The following SGCG variants were observed in gnomAD, a reference collection of about 807,000 sequenced individuals.
SGCG encodes sarcoglycan gamma.
In SGCG, 26 loss-of-function variants were observed where a neutral mutation model predicts 29.3. The ratio of observed to expected loss-of-function variants is 0.89; its 90% CI spans 0.65 to 1.23. The LOEUF (loss-of-function observed/expected upper bound fraction) is 1.23, where lower values mean the gene tolerates loss of function less well. Ranked by LOEUF, SGCG falls within the 50% of genes most tolerant of loss-of-function variation. The pLI is 0.00. For synonymous variants in SGCG, 145 were observed against 129.7 expected (o/e 1.12, Z -0.80); for missense variants, 353 against 356.0 (o/e 0.99, Z 0.07).
At chr13:23,219,322 C>T (rs963345742) in intron 2 of SGCG, among the ~76,000 whole-genome samples, 14 of 152,160 alleles carry the variant, frequency 9.2e-5, no homozygotes, top group African/African-American at 3.4e-4. Flanking sequence ...GCTGGGATTA[C>T]AGGCGTGAGC....
chr13:23,210,344 G>T (rs1307847300), intron 2 of SGCG, among the ~76,000 whole-genome samples: 2 of 152,200 alleles, frequency 1.3e-5, no homozygotes, highest in East Asian at 3.9e-4. Flanking sequence ...TGTGAAAAAA[G>T]ATTGTGTTTA....
At position 23,220,132 on chromosome 13, in the gene SGCG, C is replaced by T. The variant is rs968877920; in HGVS notation, c.196-14479C>T. Among the ~76,000 whole-genome samples, 8 of 152,132 alleles carry T rather than the reference C, an allele frequency of 5.3e-5. No individual in the cohort carries two copies. In the East Asian group the frequency reaches 7.8e-4, roughly 15 times the overall value. The stretch of plus-strand genomic sequence containing the variant: ...CTGCAATTACAGGGCTGAGCTACCG[C>T]GCCAGGCCAATATTTACCAATTAAA... On this transcript the variant is annotated intron_variant, in intron 2 of 7. Transcript: ENST00000218867.
chr13:23,242,595 T>C (rs1189400669), intron 3 of SGCG, among the ~76,000 whole-genome samples: 1 of 152,188 alleles, frequency 6.6e-6, no homozygotes, highest in African/African-American at 2.4e-5. Context: ...TTGAGATGAA[T>C]AGAAAAATAA....
At chr13:23,193,561 T>A (rs1028059319) in intron 1 of SGCG, among the ~76,000 whole-genome samples, 1 of 152,044 alleles carries the variant, frequency 6.6e-6, no homozygotes, top group Non-Finnish European at 1.5e-5. Context: ...GCTTCTGAGA[T>A]GATCAACTGG....
At position 23,215,679 on chromosome 13, in the gene SGCG, C is replaced by G. The variant is rs114525672; in HGVS notation, c.195+11790C>G. Among the ~76,000 whole-genome samples, 1,470 of 152,026 alleles carry G rather than the reference C, an allele frequency of 9.7e-3. 25 individuals are homozygous for G. The highest frequency in any genetic ancestry group is 0.033 in the African/African-American group (1,369 of 41,472). On this transcript the variant is annotated intron_variant, in intron 2 of 7. Coordinates refer to ENST00000218867, the MANE Select transcript of SGCG (RefSeq NM_000231.3). ...GTACCTGCTACCCTGTTAAACTTCT[C>G]ATTATAAAAATAATGTGAAAAGTTA...
the SGCG span, among the ~76,000 whole-genome samples, chr13:23,169,549 C>A: frequency 6.6e-6 from 1 of 152,056 alleles, no homozygotes; most frequent in East Asian, 1.9e-4. Context: ...CATAGTGGTG[C>A]ATGCCTGTAG....
the SGCG span, among the ~76,000 whole-genome samples, chr13:23,163,608 A>G: frequency 1.3e-5 from 2 of 152,198 alleles, no homozygotes; most frequent in Non-Finnish European, 2.9e-5. Context: ...GTATAGCTAC[A>G]TCAGTAATTA....
chr13:23,260,766 G>C (rs1232382862), intron 4 of SGCG, among the ~76,000 whole-genome samples: 1 of 151,866 alleles, frequency 6.6e-6, no homozygotes, highest in Admixed American at 6.6e-5. Flanking sequence ...CTCAGCATTT[G>C]CTTATCTGTA....
intron 6 of SGCG, among the ~76,000 whole-genome samples, chr13:23,308,287 T>G (rs2137503876): frequency 6.6e-6 from 1 of 152,366 alleles, no homozygotes; most frequent in South Asian, 2.1e-4. Flanking sequence ...ATTTTTCATG[T>G]GGATGTGAAG....
chr13:23,265,325 TC>T (rs1880595749), intron 4 of SGCG, among the ~76,000 whole-genome samples: 1 of 152,100 alleles, frequency 6.6e-6, no homozygotes, highest in Admixed American at 6.6e-5. Flanking sequence ...ATGCCTGTAA[TC>T]CCAGCACTTT....
chr13:23,199,044 G>A (rs1479392380), intron 1 of SGCG, among the ~76,000 whole-genome samples: 3 of 151,234 alleles, frequency 2.0e-5, no homozygotes, highest in Non-Finnish European at 4.4e-5. Flanking sequence ...GAAAGCAGAG[G>A]TTGCAGTGAG....
chr13:23,223,168 C>T (rs1291990941), intron 2 of SGCG, among the ~76,000 whole-genome samples: 3 of 151,192 alleles, frequency 2.0e-5, no homozygotes, highest in Admixed American at 2.0e-4. Flanking sequence ...GTTCCAGCTA[C>T]TCTGGAGGCT....
chr13:23,161,091 CA>C, the SGCG span, among the ~76,000 whole-genome samples: 1 of 152,100 alleles, frequency 6.6e-6, no homozygotes, highest in African/African-American at 2.4e-5. Flanking sequence ...GTGTCTGCAC[CA>C]AGTGCAAAGT....
At chr13:23,161,907 A>G in the SGCG span, among the ~76,000 whole-genome samples, 1 of 152,266 alleles carries the variant, frequency 6.6e-6, no homozygotes, top group East Asian at 1.9e-4. Flanking sequence ...AACGTGTATG[A>G]TACACTTAAC....
chr13:23,292,136 G>A (rs1439965520), intron 5 of SGCG, among the ~76,000 whole-genome samples: 1 of 120,714 alleles, frequency 8.3e-6, no homozygotes, highest in Admixed American at 7.9e-5. Context: ...TTGAGATAGA[G>A]TCTTACTTTG....
chr13:23,277,228 GATTA>G (rs1241592751), intron 4 of SGCG, among the ~76,000 whole-genome samples: 2 of 152,070 alleles, frequency 1.3e-5, no homozygotes, highest in Non-Finnish European at 2.9e-5. Context: ...ACTCTTACTG[GATTA>G]ATTATTCCAA....
intron 3 of SGCG, among the ~76,000 whole-genome samples, chr13:23,240,149 C>G (rs9580581): frequency 6.6e-6 from 1 of 151,900 alleles, no homozygotes. Flanking sequence ...TATACTAACA[C>G]TAATTAAAAG....
At chr13:23,214,958 G>A (rs2137518015) in intron 2 of SGCG, among the ~76,000 whole-genome samples, 1 of 152,178 alleles carries the variant, frequency 6.6e-6, no homozygotes, top group African/African-American at 2.4e-5. Flanking sequence ...CATTATCATG[G>A]ACATCAGTGA....
At chr13:23,241,229 C>G (rs1041865780) in intron 3 of SGCG, among the ~76,000 whole-genome samples, 1 of 150,858 alleles carries the variant, frequency 6.6e-6, no homozygotes, top group African/African-American at 2.4e-5. Flanking sequence ...CATGTTAGAC[C>G]AAAAATCAAA....
Sources: allele counts gnomAD v4.1 joint callset (sites outside exome capture counted in the v4.1 genomes callset), GRCh38; gene constraint gnomAD v4.1.1; transcripts MANE v1.5; gene names NCBI Gene and HGNC (gene_info 2026-07-23, HGNC 2026-07-21).